MECOM: variants seen among roughly 807,000 people sequenced by gnomAD.
MECOM encodes MDS1 and EVI1 complex locus.
Under a neutral mutation model 116.3 loss-of-function variants are expected in MECOM, and 13 were observed. The observed-to-expected ratio is 0.11, with a 90% CI of 0.07 to 0.18. The LOEUF is 0.18. Ranked by LOEUF, MECOM falls within the 10% of genes least tolerant of loss-of-function variation. The probability of loss-of-function intolerance (pLI) is 1.00; values close to 1 mark genes in which losing one functional copy is unlikely to be tolerated. For missense variants in MECOM, 1,299 were observed against 1,509.0 expected (o/e 0.86, Z 2.31); for synonymous variants, 528 against 535.2 (o/e 0.99, Z 0.19).
At chr3:169,485,963 A>AAT (rs1560340618) in intron 1 of MECOM, among the ~76,000 whole-genome samples, 1 of 72,396 alleles carries the variant, frequency 1.4e-5, no homozygotes, top group Non-Finnish European at 2.6e-5. Flanking sequence ...GTACATATAT[A>AAT]CTATATATAC....
chr3:169,586,761 C>A (rs2109593507), intron 1 of MECOM, among the ~76,000 whole-genome samples: 1 of 152,246 alleles, frequency 6.6e-6, no homozygotes, highest in African/African-American at 2.4e-5. Flanking sequence ...TACCTTACAC[C>A]AAAGCTCAGT....
At chr3:169,277,314 AG>A (rs1165262791) in intron 2 of MECOM, among the ~76,000 whole-genome samples, 5 of 152,226 alleles carry the variant, frequency 3.3e-5, no homozygotes, top group Non-Finnish European at 7.3e-5. Flanking sequence ...AAAACAAAAA[AG>A]GGATAAGAAA....
At chr3:169,187,562 G>C (rs1427008777) in intron 2 of MECOM, among the ~76,000 whole-genome samples, 1 of 152,006 alleles carries the variant, frequency 6.6e-6, no homozygotes, top group African/African-American at 2.4e-5. Context: ...AGGATGGAGA[G>C]GGGAAAAATA....
At chr3:169,477,105 GTATATATATATATATATA>G (rs1166256593) in intron 1 of MECOM, 9 of 59,546 alleles carry the variant, frequency 1.5e-4, no homozygotes, top group African/African-American at 2.3e-4. Flanking sequence ...GTGTGTGTGT[GTATATATATATATATATA>G]TATATATATA....
At chr3:169,551,825 T>A (rs1484276651) in intron 1 of MECOM, among the ~76,000 whole-genome samples, 1 of 152,194 alleles carries the variant, frequency 6.6e-6, no homozygotes, top group African/African-American at 2.4e-5. Context: ...CAATGAATAA[T>A]GAATAAACAA....
intron 1 of MECOM, among the ~76,000 whole-genome samples, chr3:169,517,760 A>C (rs1756819616): frequency 6.6e-6 from 1 of 152,232 alleles, no homozygotes; most frequent in African/African-American, 2.4e-5. Context: ...AAGGATTTCC[A>C]TCCATTGATT....
intron 12 of MECOM, among the ~76,000 whole-genome samples, chr3:169,097,535 T>G (rs1281605709): frequency 1.3e-5 from 2 of 151,940 alleles, no homozygotes; most frequent in Non-Finnish European, 2.9e-5. Context: ...AACGCTGAAG[T>G]GAGAGCTCTG....
At chr3:169,421,813 G>C (rs575842462) in intron 1 of MECOM, among the ~76,000 whole-genome samples, 14 of 152,224 alleles carry the variant, frequency 9.2e-5, no homozygotes, top group African/African-American at 3.1e-4. Context: ...AACTTCCCCA[G>C]AAGGTAAGAG....
intron 2 of MECOM, among the ~76,000 whole-genome samples, chr3:169,314,134 T>C (rs1428543569): frequency 6.6e-6 from 1 of 152,202 alleles, no homozygotes; most frequent in Non-Finnish European, 1.5e-5. Context: ...CCTCCTTCCT[T>C]GTCTTCTTCA....
intron 2 of MECOM, among the ~76,000 whole-genome samples, chr3:169,205,718 G>A (rs1433315051): frequency 6.6e-6 from 1 of 152,128 alleles, no homozygotes; most frequent in East Asian, 1.9e-4. Context: ...CATCTTAAGG[G>A]AGTATTTTCA....
intron 2 of MECOM, among the ~76,000 whole-genome samples, chr3:169,284,988 C>T (rs566241547): frequency 6.6e-6 from 1 of 152,192 alleles, no homozygotes; most frequent in Non-Finnish European, 1.5e-5. Context: ...TGGTGTGGCC[C>T]CCATGGTGTG....
At chr3:169,132,751 T>G (rs1363066787) in intron 3 of MECOM, among the ~76,000 whole-genome samples, 1 of 133,898 alleles carries the variant, frequency 7.5e-6, no homozygotes, top group Non-Finnish European at 1.6e-5. Context: ...CTCTTTTTTC[T>G]TTTCTTTTTT....
chr3:169,505,540 TGTGA>T lies in MECOM; in HGVS notation c.38-124020_38-124017del, dbSNP rs1483743626. On this transcript the variant is annotated intron_variant, in intron 1 of 16. Coordinates refer to ENST00000651503, the MANE Select transcript of MECOM (RefSeq NM_004991.4). ...ATAATCACCTAACATAGTAATCTTG[TGTGA>T]GTGTGTGTTTGTGTGTATGCATACG... is the stretch of plus-strand genomic sequence containing the variant. Among the ~76,000 whole-genome samples, 8 of 152,292 alleles carry T rather than the reference TGTGA, an allele frequency of 5.3e-5. No homozygotes were observed. In the East Asian group the frequency reaches 5.8e-4, roughly 11 times the overall value.
At chr3:169,230,708 C>G (rs1338185377) in intron 2 of MECOM, among the ~76,000 whole-genome samples, 1 of 152,100 alleles carries the variant, frequency 6.6e-6, no homozygotes, top group African/African-American at 2.4e-5. Flanking sequence ...AGGCTTCTAC[C>G]TTTCATGGCC....
At chr3:169,451,828 T>C (rs1452997023) in intron 1 of MECOM, among the ~76,000 whole-genome samples, 1 of 152,038 alleles carries the variant, frequency 6.6e-6, no homozygotes, top group Non-Finnish European at 1.5e-5. Context: ...GTTTTCATAA[T>C]AGATGTGGAA....
chr3:169,181,211 T>G (rs1022075596), intron 2 of MECOM, among the ~76,000 whole-genome samples: 5 of 152,138 alleles, frequency 3.3e-5, no homozygotes, highest in African/African-American at 1.2e-4. Flanking sequence ...CCTTAACTAC[T>G]TGACTTAACT....
chr3:169,164,750 C>G (rs55857652), intron 2 of MECOM, among the ~76,000 whole-genome samples: 10,701 of 152,168 alleles, frequency 0.07, 475 homozygotes, highest in South Asian at 0.19. Flanking sequence ...TGTCATTAAA[C>G]CATAATTATG....
chr3:169,387,751 T>A (rs1041069968), intron 1 of MECOM, among the ~76,000 whole-genome samples: 2 of 151,992 alleles, frequency 1.3e-5, no homozygotes, highest in African/African-American at 4.8e-5. Flanking sequence ...GGGGTGTGTG[T>A]GTGTAATAGC....
At chr3:169,400,476 T>C (rs1735700154) in intron 1 of MECOM, among the ~76,000 whole-genome samples, 1 of 152,216 alleles carries the variant, frequency 6.6e-6, no homozygotes, top group South Asian at 2.1e-4. Context: ...ATTTGTTTGA[T>C]TGAGCCGTCA....
Sources: gnomAD v4.1 joint callset for allele counts (sites outside exome capture counted in the v4.1 genomes callset) on GRCh38, gnomAD v4.1.1 for gene constraint, MANE v1.5 for transcripts, NCBI Gene and HGNC (gene_info 2026-07-23, HGNC 2026-07-21) for gene names.